SLC5A11: variants seen among roughly 807,000 people sequenced by gnomAD.
The protein encoded by SLC5A11 is solute carrier family 5 member 11.
In SLC5A11, 48 loss-of-function variants were observed where a neutral mutation model predicts 69.8. That is an observed-to-expected ratio of 0.69 (90% CI 0.55 to 0.87). The LOEUF (loss-of-function observed/expected upper bound fraction) is 0.87. Among genes scored for constraint, SLC5A11 ranks in the 40% least tolerant of loss-of-function variants. The probability of loss-of-function intolerance (pLI) is 0.00; values close to 1 mark genes in which losing one functional copy is unlikely to be tolerated. For synonymous variants in SLC5A11, 319 were observed against 342.4 expected (o/e 0.93, Z 0.75); for missense variants, 784 against 866.1 (o/e 0.91, Z 1.19).
At chr16:24,895,204 C>A (rs1437642397) in intron 9 of SLC5A11, among the ~76,000 whole-genome samples, 1 of 151,794 alleles carries the variant, frequency 6.6e-6, no homozygotes, top group Non-Finnish European at 1.5e-5. Context: ...AGAAAACAGA[C>A]CCGGCTGGGT....
At chr16:24,852,830 G>A (rs750417857) in intron 1 of SLC5A11, among the ~76,000 whole-genome samples, 1 of 151,472 alleles carries the variant, frequency 6.6e-6, no homozygotes, top group Non-Finnish European at 1.5e-5. Context: ...CACAGAGCAT[G>A]GCACATAGCT....
intron 1 of SLC5A11, among the ~76,000 whole-genome samples, chr16:24,856,599 A>G (rs1279404013): frequency 7.4e-5 from 1 of 13,604 alleles, no homozygotes; most frequent in Non-Finnish European, 1.3e-4. Context: ...TAAAAATACA[A>G]AAAAAAAAAA....
At chr16:24,908,418 G>C (rs1180576576) in intron 13 of SLC5A11, among the ~76,000 whole-genome samples, 1 of 152,000 alleles carries the variant, frequency 6.6e-6, no homozygotes, top group Admixed American at 6.6e-5. Flanking sequence ...GGCCAACATG[G>C]TGAAAGCCCA....
chr16:24,897,870 A>C, intron 9 of SLC5A11, 104 bp from the exon 11 acceptor site: 1 of 1,447,206 alleles, frequency 6.9e-7, no homozygotes, highest in Non-Finnish European at 9.4e-7. Context: ...CCCTCCCACA[A>C]CATGTGGGAA....
intron 9 of SLC5A11, among the ~76,000 whole-genome samples, chr16:24,897,446 G>A (rs2049262727): frequency 6.6e-6 from 1 of 152,106 alleles, no homozygotes; most frequent in South Asian, 2.1e-4. Context: ...ACCTGAATTA[G>A]ACCACAGGGA....
chr16:24,865,947 C>G (rs1343389431), intron 3 of SLC5A11, among the ~76,000 whole-genome samples: 1 of 150,964 alleles, frequency 6.6e-6, no homozygotes, highest in African/African-American at 2.4e-5. Flanking sequence ...GCATAAATAG[C>G]ATAAAAGGTA....
At chr16:24,877,484 C>T (rs1421678629) in intron 7 of SLC5A11, 121 bp downstream of exon 8, 24 of 691,420 alleles carry the variant, frequency 3.5e-5, no homozygotes, top group Non-Finnish European at 5.7e-5. Context: ...ATTCATTAAA[C>T]GTCACTCCTT....
chr16:24,895,345 C>T (rs928761025), intron 9 of SLC5A11, among the ~76,000 whole-genome samples: 14 of 150,628 alleles, frequency 9.3e-5, no homozygotes, highest in South Asian at 2.1e-4. Flanking sequence ...AAAAATTAGC[C>T]GGGCATGGTG....
intron 3 of SLC5A11, among the ~76,000 whole-genome samples, chr16:24,869,584 C>G (rs1567602284): frequency 6.6e-6 from 1 of 152,166 alleles, no homozygotes; most frequent in African/African-American, 2.4e-5. Context: ...TTCCCGACCC[C>G]CGACCCCCGC....
chr16:24,884,136 G>C lies in SLC5A11; in HGVS notation c.664+5G>C, dbSNP rs1264333357. 6.2e-7 allele frequency: 1 copy of C among 1,613,856 alleles called. No individual in the cohort carries two copies. Among genetic ancestry groups the C allele is most frequent in the African/African-American group, 1.3e-5 (1 of 74,926 alleles). ...CGCTCACCTTGATGGGCTACAGTAA[G>C]TGGGGTCCCCGGGTCACTGGGGCGG... On this transcript the variant is annotated splice_donor_5th_base_variant and intron_variant, in intron 8 of 15. Transcript: ENST00000347898.
chr16:24,904,576 C>T (rs1321372106), intron 10 of SLC5A11, among the ~76,000 whole-genome samples: 1 of 152,050 alleles, frequency 6.6e-6, no homozygotes, highest in Non-Finnish European at 1.5e-5. Flanking sequence ...TTGAGAACCC[C>T]AGGTCTAAAG....
intron 1 of SLC5A11, among the ~76,000 whole-genome samples, chr16:24,855,422 A>G (rs2059484448): frequency 7.4e-6 from 1 of 134,996 alleles, no homozygotes; most frequent in South Asian, 2.3e-4. Context: ...AGCAACATAG[A>G]CTTCATCTCT....
intron 14 of SLC5A11, 134 bp downstream of exon 15, chr16:24,909,230 G>A (rs1442866228): frequency 2.4e-6 from 2 of 835,060 alleles, no homozygotes; most frequent in Non-Finnish European, 3.7e-6. Context: ...TTCAGGGGCA[G>A]GATGATTTGG....
chr16:24,869,108 T>C (rs954597159), intron 3 of SLC5A11, among the ~76,000 whole-genome samples: 7 of 152,086 alleles, frequency 4.6e-5, no homozygotes. Context: ...CCTCAAGTGA[T>C]CCGCCTGCCT....
chr16:24,881,035 C>T (rs2048011131), intron 7 of SLC5A11, among the ~76,000 whole-genome samples: 1 of 151,880 alleles, frequency 6.6e-6, no homozygotes, highest in African/African-American at 2.4e-5. Context: ...GAAACCCTGT[C>T]TCTACTAAAA....
At chr16:24,895,469 A>C (rs2049091476) in intron 9 of SLC5A11, among the ~76,000 whole-genome samples, 1 of 151,852 alleles carries the variant, frequency 6.6e-6, no homozygotes, top group Non-Finnish European at 1.5e-5. Context: ...AACCTGGATG[A>C]CAAAGCAAGA....
At chr16:24,868,354 G>T (rs1431791323) in intron 3 of SLC5A11, among the ~76,000 whole-genome samples, 2 of 151,100 alleles carry the variant, frequency 1.3e-5, no homozygotes, top group African/African-American at 4.9e-5. Flanking sequence ...ACTTTGGGAG[G>T]CCAAGGTGGG....
intron 1 of SLC5A11, among the ~76,000 whole-genome samples, chr16:24,853,841 A>G (rs1422560708): frequency 6.6e-6 from 1 of 152,160 alleles, no homozygotes; most frequent in Non-Finnish European, 1.5e-5. Context: ...GTTAGGGCCG[A>G]TTCTCAGTAT....
rs549207220 is a variant in SLC5A11, at chr16:24,877,178, C to T, written c.478-80C>T. ...GTCAGCATCTAGGCTAGGCCCTGAT[C>T]CCAGGGAACCTGTGCTGCAAATGTC... On this transcript the variant is annotated intron_variant, in intron 6 of 15. Transcript: ENST00000347898. 2,000 of 1,576,778 alleles carry T rather than the reference C, an allele frequency of 1.3e-3. 1 individual carries two copies. The highest frequency in any genetic ancestry group is 1.5e-3 in the Non-Finnish European group (1,772 of 1,159,498).
Sources: gnomAD v4.1 joint callset for allele counts (sites outside exome capture counted in the v4.1 genomes callset) on GRCh38, gnomAD v4.1.1 for gene constraint, MANE v1.5 for transcripts, NCBI Gene and HGNC (gene_info 2026-07-23, HGNC 2026-07-21) for gene names.